PCDH9: variants seen among roughly 807,000 people sequenced by gnomAD.
The protein encoded by PCDH9 is protocadherin 9.
PCDH9 carries 24 observed loss-of-function variants against 70.6 expected under a neutral mutation model. The ratio of observed to expected loss-of-function variants is 0.34; its 90% CI spans 0.25 to 0.48. The LOEUF (loss-of-function observed/expected upper bound fraction) is 0.48. PCDH9 is among the 20% of genes least tolerant of loss of function. PCDH9 has a pLI of 0.99. For missense variants in PCDH9, 1,281 were observed against 1,503.6 expected, an observed-to-expected ratio of 0.85 and a Z score of 2.45; for synonymous variants, 562 against 558.5, an observed-to-expected ratio of 1.01 and a Z score of -0.09.
chr13:66,929,979 T>C (rs1180269886), intron 2 of PCDH9, among the ~76,000 whole-genome samples: 3 of 152,164 alleles, frequency 2.0e-5, no homozygotes, highest in Non-Finnish European at 2.9e-5. Flanking sequence ...AGTTGGTAGT[T>C]ATCCGGTTAA....
rs185641661 is a variant in PCDH9, at chr13:66,905,159, G to C, written c.3037-1554C>G. 2.6e-3 allele frequency among the ~76,000 whole-genome samples: 391 copies of C among 151,606 alleles called. 1 individual carries two copies. The highest frequency in any genetic ancestry group is 4.5e-3 in the Non-Finnish European group (308 of 67,826). On this transcript the variant is annotated intron_variant, in intron 2 of 4. Transcript: ENST00000377865. Reference sequence around the variant, plus strand: ...AACAAATTCACTGTTAGCAACAAAGGCTTCACAGCAGCTTTTTTGGCATTC... The same window carrying C: ...AACAAATTCACTGTTAGCAACAAAGCCTTCACAGCAGCTTTTTTGGCATTC...
At chr13:66,633,684 G>GA (rs1331361620) in intron 3 of PCDH9, among the ~76,000 whole-genome samples, 3 of 152,060 alleles carry the variant, frequency 2.0e-5, no homozygotes, top group Non-Finnish European at 4.4e-5. Context: ...AGTCTTAAGA[G>GA]AAAAGCAATG....
chr13:66,317,034 T>G (rs1955665569), intron 4 of PCDH9, among the ~76,000 whole-genome samples: 1 of 152,134 alleles, frequency 6.6e-6, no homozygotes, highest in African/African-American at 2.4e-5. Flanking sequence ...GCTAGCTTTG[T>G]TTTTGTTGAT....
intron 2 of PCDH9, among the ~76,000 whole-genome samples, chr13:67,194,750 A>G (rs2089014070): frequency 6.6e-6 from 1 of 152,156 alleles, no homozygotes; most frequent in South Asian, 2.1e-4. Flanking sequence ...ATTTCTGCTC[A>G]TTTAATTTAC....
chr13:67,124,132 G>A (rs1470000550), intron 2 of PCDH9, among the ~76,000 whole-genome samples: 2 of 152,066 alleles, frequency 1.3e-5, no homozygotes, highest in Non-Finnish European at 2.9e-5. Flanking sequence ...AAAGTAAAAT[G>A]CATGCACTCT....
At chr13:66,948,559 A>G (rs1468559903) in intron 2 of PCDH9, among the ~76,000 whole-genome samples, 1 of 152,056 alleles carries the variant, frequency 6.6e-6, no homozygotes, top group East Asian at 1.9e-4. Context: ...TATGGCACTG[A>G]AAAGCTTATC....
intron 3 of PCDH9, among the ~76,000 whole-genome samples, chr13:66,835,609 T>C (rs1050019939): frequency 3.9e-5 from 6 of 152,214 alleles, no homozygotes; most frequent in African/African-American, 9.6e-5. Context: ...TAACTTTTCT[T>C]TGGGGATTTG....
chr13:66,725,184 A>G (rs976538729), intron 3 of PCDH9, among the ~76,000 whole-genome samples: 2 of 152,186 alleles, frequency 1.3e-5, no homozygotes, highest in Admixed American at 1.3e-4. Flanking sequence ...CATGCCCTCC[A>G]TCTAATTCAA....
chr13:66,415,475 C>A (rs1049573391), intron 4 of PCDH9, among the ~76,000 whole-genome samples: 2 of 152,284 alleles, frequency 1.3e-5, no homozygotes, highest in African/African-American at 4.8e-5. Flanking sequence ...TCAATTCCCA[C>A]AGCACACAAA....
chr13:66,697,488 G>T (rs1035209644), intron 3 of PCDH9, among the ~76,000 whole-genome samples: 1 of 152,114 alleles, frequency 6.6e-6, no homozygotes, highest in Non-Finnish European at 1.5e-5. Flanking sequence ...ATATTTGAAA[G>T]AATTAAAGTA....
At chr13:66,648,709 C>T (rs1195526653) in intron 3 of PCDH9, among the ~76,000 whole-genome samples, 2 of 151,968 alleles carry the variant, frequency 1.3e-5, no homozygotes, top group African/African-American at 4.8e-5. Context: ...AAGAAAATCT[C>T]ACCTCACTAA....
chr13:66,389,008 C>T (rs1956975577), intron 4 of PCDH9, among the ~76,000 whole-genome samples: 1 of 152,040 alleles, frequency 6.6e-6, no homozygotes, highest in Non-Finnish European at 1.5e-5. Flanking sequence ...GATTGTGTGT[C>T]CAATCTCATT....
chr13:66,743,508 T>A (rs1056528094), intron 3 of PCDH9, among the ~76,000 whole-genome samples: 4 of 150,284 alleles, frequency 2.7e-5, no homozygotes, highest in East Asian at 2.0e-4. Context: ...AAAAAAAAAA[T>A]TTGGAAGAGG....
At chr13:67,069,729 T>C (rs1414752647) in intron 2 of PCDH9, among the ~76,000 whole-genome samples, 2 of 152,158 alleles carry the variant, frequency 1.3e-5, no homozygotes, top group Non-Finnish European at 2.9e-5. Flanking sequence ...ATTTATTTAC[T>C]GTGAGGAAAT....
chr13:66,322,691 T>C (rs548043372), intron 4 of PCDH9, among the ~76,000 whole-genome samples: 3 of 152,010 alleles, frequency 2.0e-5, no homozygotes, highest in Admixed American at 6.6e-5. Flanking sequence ...TATACAGGCA[T>C]TGGAAATTAT....
intron 4 of PCDH9, among the ~76,000 whole-genome samples, chr13:66,407,337 T>C (rs1183375722): frequency 6.6e-6 from 1 of 152,222 alleles, no homozygotes; most frequent in Non-Finnish European, 1.5e-5. Context: ...CACTCTTGCA[T>C]GCTAAATACT....
intron 4 of PCDH9, among the ~76,000 whole-genome samples, chr13:66,556,646 T>G (rs891154551): frequency 1.3e-5 from 2 of 152,194 alleles, no homozygotes; most frequent in Non-Finnish European, 2.9e-5. Context: ...TAGTAAATTA[T>G]TTCTGTGATG....
intron 2 of PCDH9, among the ~76,000 whole-genome samples, chr13:66,961,367 C>A (rs2083342707): frequency 1.3e-5 from 2 of 152,172 alleles, no homozygotes; most frequent in Non-Finnish European, 2.9e-5. Context: ...ATACCAGACC[C>A]ATCACCTGAT....
chr13:66,390,859 G>A (rs2138267643), intron 4 of PCDH9, among the ~76,000 whole-genome samples: 1 of 152,226 alleles, frequency 6.6e-6, no homozygotes, highest in South Asian at 2.1e-4. Flanking sequence ...GGAGAATTGG[G>A]ACTAGCTTCT....
Sources: allele counts gnomAD v4.1 joint callset (sites outside exome capture counted in the v4.1 genomes callset), GRCh38; gene constraint gnomAD v4.1.1; transcripts MANE v1.5; gene names NCBI Gene and HGNC (gene_info 2026-07-23, HGNC 2026-07-21).